MATN1: variants seen among roughly 807,000 people sequenced by gnomAD.
The protein encoded by MATN1 is matrilin-1.
A neutral mutation model predicts 41.3 loss-of-function variants in MATN1; 34 were observed. That is an observed-to-expected ratio of 0.82 (90% CI 0.63 to 1.10). MATN1 has a LOEUF of 1.10. MATN1 is among the 50% of genes least tolerant of loss of function. MATN1 has a pLI of 0.00. For missense variants in MATN1, 602 were observed against 662.4 expected (o/e 0.91, Z 1.00); for synonymous variants, 264 against 278.7 (o/e 0.95, Z 0.53).
chr1:30,715,858 G>C, intron 5 of MATN1, 51 bp downstream of exon 5: 2 of 1,566,516 alleles, frequency 1.3e-6, no homozygotes, highest in East Asian at 2.3e-5. Flanking sequence ...CTATACCCGT[G>C]TGTACCCCTG....
chr1:30,713,706 C>T lies in MATN1; in HGVS notation c.1442-75G>A, dbSNP rs1639582486. On this transcript the variant is annotated intron_variant, in intron 7 of 7. Coordinates refer to ENST00000373765, the MANE Select transcript of MATN1 (RefSeq NM_002379.3). ...ATGGCTGTGGCCCTGCACTCAGGCCCCTGCAACACCCCACTACAGCGTGCA... is the reference window on the plus strand; with the variant it reads ...ATGGCTGTGGCCCTGCACTCAGGCCTCTGCAACACCCCACTACAGCGTGCA... 3 of 1,102,802 alleles carry T rather than the reference C, an allele frequency of 2.7e-6. No homozygotes were observed. In the East Asian group the frequency reaches 7.7e-5, roughly 28 times the overall value. 68.3% of individuals were successfully genotyped at this position (1,102,802 alleles called of 1,614,324 possible).
chr1:30,713,927 G>A, intron 7 of MATN1: 2 of 581,976 alleles, frequency 3.4e-6, no homozygotes, highest in Non-Finnish European at 3.1e-6. Context: ...GGGTACTGGG[G>A]TCAGGCACGT....
Position 30,713,413 on chromosome 1 carries a change from A to C in MATN1, c.*169T>G, listed in dbSNP as rs904255981. Reference sequence around the variant, plus strand: ...CACACACACACACATGCACACATACACACACGCACACATACACACACGAGC... The same window carrying C: ...CACACACACACACATGCACACATACCCACACGCACACATACACACACGAGC... On this transcript the variant is annotated 3_prime_UTR_variant, in exon 8 of 8. Transcript: ENST00000373765. 3.0e-6 allele frequency: 2 copies of C among 658,492 alleles called. No homozygotes were observed. The highest frequency in any genetic ancestry group is 2.3e-5 in the Admixed American group (1 of 43,934). The allele number at this position is 658,492 out of a possible 1,614,324, so 40.8% of individuals were successfully genotyped here.
In MATN1 at chr1:30,716,825, C is replaced by A. The variant is rs1456647269; in HGVS notation, c.755G>T (p.Gly252Val). 2 of 1,614,024 alleles carry A rather than the reference C, an allele frequency of 1.2e-6. No homozygotes were observed. Among genetic ancestry groups the A allele is most frequent in the Non-Finnish European group, 1.7e-6 (2 of 1,179,992 alleles). ...CTTGCCGTCGCTGTTCAGAGTGAAG[C>A]CCTCGTGGCAGGCGCAGGTGTAGGA... The part of the protein sequence containing the change: ...PGSYTCACHE[G>V]FTLNSDGKTC... Residue 252 changes from glycine to valine, a missense_variant, in exon 4 of 8, where the codon GGC (glycine) becomes GTC (valine). Transcript: ENST00000373765.
chr1:30,721,054 C>A, intron 2 of MATN1: 2 of 260,542 alleles, frequency 7.7e-6, no homozygotes, highest in Middle Eastern at 1.3e-3. Context: ...AGGGCGTGAA[C>A]CCAGGCAGGC....
rs1192822886 is a variant in MATN1, at chr1:30,713,240, G to A, written c.*342C>T. 1 of 273,402 alleles carries A rather than the reference G, an allele frequency of 3.7e-6. No homozygotes were observed. 16.9% of individuals were successfully genotyped at this position (273,402 alleles called of 1,614,324 possible). A position where few individuals can be genotyped will look rare whatever the true frequency, so the allele number is the denominator to read the frequency against. On this transcript the variant is annotated 3_prime_UTR_variant, in exon 8 of 8. Coordinates refer to ENST00000373765, the MANE Select transcript of MATN1 (RefSeq NM_002379.3). The stretch of plus-strand genomic sequence containing the variant: ...TTCACAGCACTCAGAGTCAAGAAAG[G>A]GTTAACTAAAAAAGATGGGAATATA...
At chr1:30,722,726 G>A (rs371593570) in intron 1 of MATN1, among the ~76,000 whole-genome samples, 18 of 152,354 alleles carry the variant, frequency 1.2e-4, no homozygotes, top group African/African-American at 3.6e-4. Flanking sequence ...AAGGGGAAAC[G>A]TGCAGGGCCG....
chr1:30,718,851 A>G lies in MATN1; in HGVS notation c.548T>C (p.Val183Ala). ...GATCTGCCGCAGCGTGGCCTTGTCC[A>G]CGCTGCCCACTCCGATGGCGAACAG... Reference protein sequence around the residue: ...VELFAIGVGSVDKATLRQIAS... With the variant: ...VELFAIGVGSADKATLRQIAS... The change falls in exon 3 of 8, where the codon GTG becomes GCG. Residue 183 changes from valine to alanine, a missense_variant. By Grantham distance (64) the Val-to-Ala change is moderately conservative. Coordinates refer to ENST00000373765, the MANE Select transcript of MATN1 (RefSeq NM_002379.3). 6 of 1,607,754 alleles carry G rather than the reference A, an allele frequency of 3.7e-6. No individual in the cohort carries two copies. The highest frequency in any genetic ancestry group is 5.1e-6 in the Non-Finnish European group (6 of 1,178,516).
At position 30,714,048 on chromosome 1, in the gene MATN1, G is replaced by A; in HGVS notation, c.1441+199C>T. 3 of 600,318 alleles carry A rather than the reference G, an allele frequency of 5.0e-6. No individual in the cohort carries two copies. The East Asian group carries it at 8.3e-5, about 17-fold the overall frequency. 37.2% of individuals were successfully genotyped at this position (600,318 alleles called of 1,614,324 possible). A position where few individuals can be genotyped will look rare whatever the true frequency, so the allele number is the denominator to read the frequency against. On this transcript the variant is annotated intron_variant, in intron 7 of 7. Transcript: ENST00000373765. Reference sequence around the variant, plus strand: ...ATCCTGGCTTCTGCCTCATTTTCTTGTTTACCTTCTAGGAGTCTCTGCTTT... The same window carrying A: ...ATCCTGGCTTCTGCCTCATTTTCTTATTTACCTTCTAGGAGTCTCTGCTTT...
At chr1:30,714,771 C>T (rs1401125149) in intron 6 of MATN1, among the ~76,000 whole-genome samples, 2 of 152,184 alleles carry the variant, frequency 1.3e-5, no homozygotes, top group Non-Finnish European at 2.9e-5. Context: ...ACACTCCTTA[C>T]CACTAAGAAC....
At chr1:30,717,212 C>T (rs530766653) in intron 3 of MATN1, among the ~76,000 whole-genome samples, 2 of 152,340 alleles carry the variant, frequency 1.3e-5, no homozygotes, top group East Asian at 1.9e-4. Flanking sequence ...TATCAAGACA[C>T]CCAAGTGTCT....
intron 2 of MATN1, 71 bp downstream of exon 2, chr1:30,721,334 G>C (rs1416313621): frequency 4.3e-6 from 6 of 1,409,898 alleles, no homozygotes; most frequent in Non-Finnish European, 5.9e-6. Context: ...CAAAGTGTCT[G>C]CAGGCAAAGC....
Position 30,721,601 on chromosome 1 carries a change from A to C in MATN1, c.245T>G (p.Met82Arg). The change falls in exon 2 of 8, where the codon ATG becomes AGG. Residue 82 changes from methionine (M) to arginine (R), a missense_variant. Physicochemically the swap from Met to Arg is moderately conservative, Grantham distance 91. Transcript: ENST00000373765. ...CTTCACGGTGCTGGCATAGTTGACC[A>C]TGCCCACCCGGGTGGCATTGGGCCC... ...DVGPNATRVGMVNYASTVKQE... is the reference protein window; with the variant it reads ...DVGPNATRVGRVNYASTVKQE... 1 of 1,613,502 alleles carries C rather than the reference A, an allele frequency of 6.2e-7. No individual in the cohort carries two copies. The highest frequency in any genetic ancestry group is 8.5e-7 in the Non-Finnish European group (1 of 1,180,044).
chr1:30,718,756 T>G lies in MATN1; in HGVS notation c.643A>C (p.Lys215Gln). ...GCACCGCAGAAGGCCTCCTGGAACT[T>G]CCTGGACAGCTTCTCGATGACGCTG... Reference protein sequence around the residue: ...SYSVIEKLSRKFQEAFCVVSD... With the variant: ...SYSVIEKLSRQFQEAFCVVSD... Residue 215 changes from lysine (K) to glutamine (Q), a missense_variant, in exon 3 of 8, where the codon AAG becomes CAG. Transcript: ENST00000373765. 3.8e-6 allele frequency: 6 copies of G among 1,598,316 alleles called. No individual in the cohort carries two copies. The highest frequency in any genetic ancestry group is 5.1e-6 in the Non-Finnish European group (6 of 1,171,120).
At chr1:30,719,050 G>T in intron 2 of MATN1, 93 bp from the exon 3 acceptor site, 1 of 1,039,718 alleles carries the variant, frequency 9.6e-7, no homozygotes, top group Non-Finnish European at 1.3e-6. Context: ...CGGGAGGACT[G>T]CCGGGTCGCA....
chr1:30,718,913 CTGCACGCTGTCCTGGGGCCT>C lies in MATN1; in HGVS notation c.466_485del (p.Arg156GlyfsTer71), dbSNP rs2124157320. Reference sequence around the variant, plus strand: ...TGGCCCGGGCCCGCGCAGACACGTCCTGCACGCTGTCCTGGGGCCTCCCGTCTGTCACCACGATGACCACC... The same window carrying C: ...TGGCCCGGGCCCGCGCAGACACGTCCCCCGTCTGTCACCACGATGACCACC... On this transcript the variant is annotated frameshift_variant, in exon 3 of 8. Coordinates refer to ENST00000373765, the MANE Select transcript of MATN1 (RefSeq NM_002379.3). LOFTEE classifies it high-confidence loss of function. The C allele has an allele frequency of 2.6e-6, 4 of 1,567,224 alleles. No homozygotes were observed. In the East Asian group the frequency reaches 9.4e-5, roughly 37 times the overall value.
Position 30,716,876 on chromosome 1 carries a change from TCA to T in MATN1, c.702_703del (p.Cys234Ter), listed in dbSNP as rs754899696. 6.2e-7 allele frequency: 1 copy of T among 1,613,774 alleles called. No individual in the cohort carries two copies. Among genetic ancestry groups the T allele is most frequent in the East Asian group, 2.2e-5 (1 of 44,862 alleles). ...ACCGGGGGAGCTGATGCACACCTGC[TCA>T]CAGTCATGGTCCCCTGTGGCGCACA... On this transcript the variant is annotated stop_gained and frameshift_variant, in exon 4 of 8. Transcript: ENST00000373765. LOFTEE classifies it high-confidence loss of function.
In MATN1 at chr1:30,718,792, C is replaced by G. The variant is rs368571090; in HGVS notation, c.607G>C (p.Val203Leu). 7 of 1,610,420 alleles carry G rather than the reference C, an allele frequency of 4.3e-6. No individual in the cohort carries two copies. The African/African-American group carries it at 8.0e-5, about 18-fold the overall frequency. ...TTCTCGATGACGCTGTAGCTCTCCA[C>G]GTAATCGACGTGTTCGTCCTGCGGC... ...SEPQDEHVDY[V>L]ESYSVIEKLS... Residue 203 changes from valine to leucine, a missense_variant, in exon 3 of 8, where the codon GTG becomes CTG. Coordinates refer to ENST00000373765, the MANE Select transcript of MATN1 (RefSeq NM_002379.3).
At position 30,721,569 on chromosome 1, in the gene MATN1, A is replaced by G. The variant is rs1377313499; in HGVS notation, c.277T>C (p.Phe93Leu). The change falls in exon 2 of 8, where the codon TTC becomes CTC. Residue 93 changes from phenylalanine to leucine, a missense_variant. Transcript: ENST00000373765. ...VNYASTVKQE[F>L]SLRAHVSKAA... ...TTGGAGACATGAGCCCGCAGCGAGA[A>G]CTCCTGCTTCACGGTGCTGGCATAG... 1 of 1,612,802 alleles carries G rather than the reference A, an allele frequency of 6.2e-7. No homozygotes were observed. The highest frequency in any genetic ancestry group is 2.2e-5 in the East Asian group (1 of 44,856).
Sources: gnomAD v4.1 joint callset for allele counts (sites outside exome capture counted in the v4.1 genomes callset) on GRCh38, gnomAD v4.1.1 for gene constraint, MANE v1.5 for transcripts, NCBI Gene and HGNC (gene_info 2026-07-23, HGNC 2026-07-21) for gene names.